ST7L: variants seen among roughly 807,000 people sequenced by gnomAD.
ST7L encodes the protein suppression of tumorigenicity 7 like.
A neutral mutation model predicts 72.5 loss-of-function variants in ST7L; 57 were observed. The ratio of observed to expected loss-of-function variants is 0.79; its 90% CI spans 0.64 to 0.98. ST7L has a LOEUF of 0.98. ST7L is among the 50% of genes least tolerant of loss of function. The pLI is 0.00. For synonymous variants in ST7L, 221 were observed against 240.9 expected, an observed-to-expected ratio of 0.92 and a Z score of 0.77; for missense variants, 576 against 672.2, an observed-to-expected ratio of 0.86 and a Z score of 1.58.
chr1:112,539,133 A>G (rs1655676561), intron 14 of ST7L: 2 of 152,128 alleles, frequency 1.3e-5, no homozygotes, highest in Non-Finnish European at 2.9e-5. Context: ...AGTTTCTCCA[A>G]GCTTTAAATG....
At position 112,564,814 on chromosome 1, in the gene ST7L, T is replaced by C. The variant is rs545626520; in HGVS notation, c.1246-8796A>G. On this transcript the variant is annotated intron_variant, in intron 11 of 14. Coordinates refer to ENST00000358039, the MANE Select transcript of ST7L (RefSeq NM_017744.5). ...CCTGGGCAACAAGAGCAAAACTGCA[T>C]CTCAAAAAAAAAAAAAAAAAAAAAA... 5.9e-4 allele frequency among the ~76,000 whole-genome samples: 55 copies of C among 93,908 alleles called. 1 individual carries two copies. The highest frequency in any genetic ancestry group is 2.5e-3 in the South Asian group (7 of 2,788). The allele number at this position is 93,908 out of a possible 152,430, so 61.6% of individuals were successfully genotyped here. A position where few individuals can be genotyped will look rare whatever the true frequency, so the allele number is the denominator to read the frequency against.
intron 14 of ST7L, 50 bp from the exon 15 acceptor site, chr1:112,526,161 G>C (rs1178121882): frequency 1.2e-6 from 2 of 1,611,254 alleles, no homozygotes; most frequent in Non-Finnish European, 1.7e-6. Context: ...AGGAGTCCCA[G>C]GACAGCCAAG....
intron 11 of ST7L, among the ~76,000 whole-genome samples, chr1:112,559,762 C>A (rs1037645587): frequency 6.6e-6 from 1 of 151,798 alleles, no homozygotes; most frequent in Non-Finnish European, 1.5e-5. Context: ...AGGTGGATCA[C>A]GAGGTCAGGA....
intron 12 of ST7L, among the ~76,000 whole-genome samples, chr1:112,551,720 A>C (rs1658220406): frequency 3.3e-5 from 5 of 152,154 alleles, no homozygotes; most frequent in Admixed American, 3.3e-4. Flanking sequence ...GGATTTATTA[A>C]AGAAGAAATC....
At chr1:112,614,378 G>A (rs890187571) in intron 2 of ST7L, among the ~76,000 whole-genome samples, 4 of 152,122 alleles carry the variant, frequency 2.6e-5, no homozygotes, top group Admixed American at 1.3e-4. Flanking sequence ...CACCGTGCCT[G>A]GCTTAAAGAC....
intron 2 of ST7L, among the ~76,000 whole-genome samples, chr1:112,612,643 T>C (rs1669253463): frequency 6.6e-6 from 1 of 152,158 alleles, no homozygotes; most frequent in African/African-American, 2.4e-5. Flanking sequence ...TAATGTTTTA[T>C]GCTCAGTCTA....
At chr1:112,540,388 G>A in intron 14 of ST7L, 1 of 985,386 alleles carries the variant, frequency 1.0e-6, no homozygotes. Context: ...TTCAGTTTGA[G>A]ATGCACTCAC....
intron 4 of ST7L, among the ~76,000 whole-genome samples, chr1:112,598,596 A>G (rs11102509): frequency 0.2 from 28,993 of 146,166 alleles, 3,392 homozygotes; most frequent in East Asian, 0.46. Flanking sequence ...TTTTTTAACT[A>G]AAAAAAAAAA....
Position 112,584,070 on chromosome 1 carries a change from G to C in ST7L, c.758C>G (p.Ala253Gly), listed in dbSNP as rs762687898. Residue 253 changes from alanine (A) to glycine (G), a missense_variant, in exon 7 of 15, where the codon GCT (alanine) becomes GGT (glycine). Physicochemically the swap from Ala to Gly is moderately conservative, Grantham distance 60 (BLOSUM62 0). Coordinates refer to ENST00000358039, the MANE Select transcript of ST7L (RefSeq NM_017744.5). The stretch of plus-strand genomic sequence containing the variant: ...GAGTGCCTGTTTAAATAACCTTTCA[G>C]CATCTACAATAGTTGTTGCTTCTTC... ...AEEEATTIVD[A>G]ERLFKQALKA... 4 of 1,613,938 alleles carry C rather than the reference G, an allele frequency of 2.5e-6. No homozygotes were observed. In the South Asian group the frequency reaches 3.3e-5, roughly 13 times the overall value.
intron 5 of ST7L, among the ~76,000 whole-genome samples, chr1:112,597,752 T>C (rs1666696018): frequency 6.6e-6 from 1 of 152,202 alleles, no homozygotes; most frequent in African/African-American, 2.4e-5. Context: ...GTTTTTGAAG[T>C]AGTAAAAGAA....
At chr1:112,611,826 G>T (rs1241926229) in intron 2 of ST7L, among the ~76,000 whole-genome samples, 1 of 151,846 alleles carries the variant, frequency 6.6e-6, no homozygotes, top group Non-Finnish European at 1.5e-5. Context: ...AATATTAGCT[G>T]GGTGAGGTGG....
At chr1:112,617,194 C>G (rs781402580) in intron 1 of ST7L, 24 of 190,292 alleles carry the variant, frequency 1.3e-4, no homozygotes, top group Non-Finnish European at 2.6e-4. Context: ...TATGCTTTTA[C>G]AAAGGAGGTT....
At chr1:112,572,320 G>T (rs1330187514) in intron 11 of ST7L, among the ~76,000 whole-genome samples, 1 of 152,150 alleles carries the variant, frequency 6.6e-6, no homozygotes, top group Non-Finnish European at 1.5e-5. Context: ...AGCTGCATTA[G>T]CCCCTAAGAA....
At chr1:112,568,889 A>ACAAAAATTTAAAAAT (rs1553247624) in intron 11 of ST7L, among the ~76,000 whole-genome samples, 1 of 115,604 alleles carries the variant, frequency 8.7e-6, no homozygotes, top group African/African-American at 3.3e-5. Context: ...TATATATATA[A>ACAAAAATTTAAAAAT]AACAAAAATT....
chr1:112,605,236 C>T (rs1304190832), intron 3 of ST7L, among the ~76,000 whole-genome samples: 1 of 151,144 alleles, frequency 6.6e-6, no homozygotes, highest in Non-Finnish European at 1.5e-5. Flanking sequence ...CTAAAAACTA[C>T]AAAAAAATTA....
intron 6 of ST7L, 60 bp from the exon 7 acceptor site, chr1:112,584,186 G>GT: frequency 6.6e-7 from 1 of 1,524,906 alleles, no homozygotes; most frequent in Non-Finnish European, 8.8e-7. Flanking sequence ...TTTTCTCTTG[G>GT]TTATGTCCCT....
chr1:112,557,323 A>G (rs1374809475), intron 11 of ST7L, among the ~76,000 whole-genome samples: 2 of 152,148 alleles, frequency 1.3e-5, no homozygotes, highest in Non-Finnish European at 2.9e-5. Context: ...TATTCTGGAT[A>G]TTTCATACAA....
chr1:112,601,364 G>A (rs1311889637), intron 3 of ST7L, among the ~76,000 whole-genome samples: 1 of 152,134 alleles, frequency 6.6e-6, no homozygotes, highest in Non-Finnish European at 1.5e-5. Context: ...TCCAGCCTCA[G>A]CCTCCCGAGT....
At position 112,550,626 on chromosome 1, in the gene ST7L, C is replaced by G; in HGVS notation, c.1464G>C (p.Glu488Asp). 6.2e-7 allele frequency: 1 copy of G among 1,613,294 alleles called. No individual in the cohort carries two copies. The highest frequency in any genetic ancestry group is 1.1e-5 in the South Asian group (1 of 91,002). ...TAGGTAATAGCTCTCTATCAGCCGT[C>G]TCTGTGCAGCTGGGATAAGGGTAAA... ...HLFYPYPSCT[E>D]TADRELLPTF... The change falls in exon 13 of 15, where the codon GAG (glutamate) becomes GAC (aspartate). Residue 488 changes from glutamate to aspartate, a missense_variant. By Grantham distance (45) the Glu-to-Asp change is conservative. Transcript: ENST00000358039.
Sources: gnomAD v4.1 joint callset for allele counts (sites outside exome capture counted in the v4.1 genomes callset) on GRCh38, gnomAD v4.1.1 for gene constraint, MANE v1.5 for transcripts, NCBI Gene and HGNC (gene_info 2026-07-23, HGNC 2026-07-21) for gene names.